NR2F2: variants seen among roughly 807,000 people sequenced by gnomAD.
NR2F2 encodes the protein nuclear receptor subfamily 2 group F member 2, also known as COUP transcription factor 2.
NR2F2 carries 2 observed loss-of-function variants against 34.8 expected under a neutral mutation model. The ratio of observed to expected loss-of-function variants is 0.06; its 90% CI spans 0.02 to 0.18. The LOEUF is 0.18. Ranked by LOEUF, NR2F2 falls within the 10% of genes least tolerant of loss-of-function variation. The pLI, the probability that NR2F2 is intolerant of heterozygous loss-of-function variation, is 1.00. For synonymous variants in NR2F2, 274 were observed against 251.8 expected (o/e 1.09, Z -0.84); for missense variants, 300 against 580.1 (o/e 0.52, Z 4.96).
chr15:96,331,671 C>A lies in NR2F2; in HGVS notation c.-435C>A. 9.0e-7 allele frequency: 1 copy of A among 1,106,136 alleles called. No individual in the cohort carries two copies. The highest frequency in any genetic ancestry group is 1.1e-6 in the Non-Finnish European group (1 of 877,256). 68.5% of individuals were successfully genotyped at this position (1,106,136 alleles called of 1,614,324 possible). On this transcript the variant is annotated 5_prime_UTR_variant, in exon 1 of 3. Transcript: ENST00000394166. Reference sequence around the variant, plus strand: ...GAGAGAGGGAGGGAGAGAGTGAGAGCGAGCGAGATCTTTGGAGAGATTTTT... The same window carrying A: ...GAGAGAGGGAGGGAGAGAGTGAGAGAGAGCGAGATCTTTGGAGAGATTTTT...
chr15:96,331,538 C>T lies in NR2F2; in HGVS notation c.-568C>T. 1 of 1,230,660 alleles carries T rather than the reference C, an allele frequency of 8.1e-7. No individual in the cohort carries two copies. The allele number at this position is 1,230,660 out of a possible 1,614,324, so 76.2% of individuals were successfully genotyped here. ...CTTGGCCCCCGGACAGTCGCCTCTC[C>T]TCCTCCTCTACCTCCTCCTTCACCA... On this transcript the variant is annotated 5_prime_UTR_variant, in exon 1 of 3. Coordinates refer to ENST00000394166, the MANE Select transcript of NR2F2 (RefSeq NM_021005.4).
chr15:96,328,452 G>T (rs1596419738), upstream of NR2F2, among the ~76,000 whole-genome samples: 1 of 152,286 alleles, frequency 6.6e-6, no homozygotes, highest in East Asian at 1.9e-4. Context: ...ATCCTCTATT[G>T]AGATGGGAAT....
Position 96,334,679 on chromosome 15 carries a change from C to G in NR2F2, c.970+76C>G, listed in dbSNP as rs978632929. 3.4e-6 allele frequency: 5 copies of G among 1,481,432 alleles called. No individual in the cohort carries two copies. In the African/African-American group the frequency reaches 5.7e-5, roughly 17 times the overall value. The allele number at this position is 1,481,432 out of a possible 1,614,324, so 91.8% of individuals were successfully genotyped here. On this transcript the variant is annotated intron_variant, in intron 2 of 2. Transcript: ENST00000394166. ...GGGGCCCAGAGAACTTGGGAGTCCC[C>G]AGGGCAAACCCAGTCTGCTCCTTGA...
Position 96,337,726 on chromosome 15 carries a change from C to A in NR2F2, c.*104C>A. On this transcript the variant is annotated 3_prime_UTR_variant, in exon 3 of 3. Transcript: ENST00000394166. ...TAAGAAAGGATATAAAAGGATGTTA[C>A]AAGTTTGCTAAAAGAAGAGAGGGGA... is the stretch of plus-strand genomic sequence containing the variant. 21 of 920,040 alleles carry A rather than the reference C, an allele frequency of 2.3e-5. No homozygotes were observed. Among genetic ancestry groups the A allele is most frequent in the South Asian group, 5.0e-5 (2 of 40,264 alleles). 57.0% of individuals were successfully genotyped at this position (920,040 alleles called of 1,614,324 possible).
At chr15:96,333,884 G>C (rs1899237619) in intron 1 of NR2F2, 192 bp from the exon 2 acceptor site, 1 of 1,433,958 alleles carries the variant, frequency 7.0e-7, no homozygotes, top group South Asian at 1.5e-5. Context: ...GGCCCTCAGA[G>C]CTCGCCTGGG....
At position 96,337,423 on chromosome 15, in the gene NR2F2, T is replaced by A. The variant is rs572428060; in HGVS notation, c.1046T>A (p.Val349Asp). The A allele has an allele frequency of 6.2e-7, 1 of 1,614,132 alleles. No homozygotes were observed. Among genetic ancestry groups the A allele is most frequent in the South Asian group, 1.1e-5 (1 of 91,082 alleles). Reference protein sequence around the residue: ...EKSQCALEEYVRSQYPNQPTR... With the variant: ...EKSQCALEEYDRSQYPNQPTR... ...TCTCAGTGTGCTTTGGAAGAATACGTTAGGAGCCAGTACCCCAACCAGCCG... is the reference window on the plus strand; with the variant it reads ...TCTCAGTGTGCTTTGGAAGAATACGATAGGAGCCAGTACCCCAACCAGCCG... Residue 349 changes from valine to aspartate, a missense_variant, in exon 3 of 3, where the codon GTT (valine) becomes GAT (aspartate). Val to Asp is a radical substitution (Grantham distance 152). Around this residue, in one of 6 missense-constraint regions of NR2F2, gnomAD observed 164 missense variants for 365.3 expected, o/e 0.45. Coordinates refer to ENST00000394166, the MANE Select transcript of NR2F2 (RefSeq NM_021005.4).
chr15:96,332,941 C>CCCA (rs1899194044), intron 1 of NR2F2, among the ~76,000 whole-genome samples: 2 of 58,034 alleles, frequency 3.4e-5, no homozygotes, highest in African/African-American at 6.3e-5. Flanking sequence ...CCCACCCTCT[C>CCCA]AAAAAAAAAA....
chr15:96,335,504 T>G (rs1899297980), intron 2 of NR2F2, among the ~76,000 whole-genome samples: 1 of 152,140 alleles, frequency 6.6e-6, no homozygotes, highest in Admixed American at 6.6e-5. Flanking sequence ...CCAGGCTGAG[T>G]TCAGCATAGC....
intron 2 of NR2F2, 73 bp from the exon 3 acceptor site, chr15:96,337,275 G>T: frequency 6.6e-7 from 1 of 1,522,484 alleles, no homozygotes; most frequent in South Asian, 1.2e-5. Flanking sequence ...TTAATCTGAT[G>T]ACTGAATTCT....
chr15:96,329,178 G>GT (rs148534909), upstream of NR2F2, among the ~76,000 whole-genome samples: 1,943 of 152,024 alleles, frequency 0.013, 37 homozygotes, highest in African/African-American at 0.044. Context: ...CCGGCATGAG[G>GT]TTTTTTCTTG....
At position 96,337,603 on chromosome 15, in the gene NR2F2, C is replaced by A; in HGVS notation, c.1226C>A (p.Pro409Gln). Reference protein sequence around the residue: ...MLLSGSSFNWPYMAIQ With the variant: ...MLLSGSSFNWQYMAIQ ...CTGTCCGGCAGCAGTTTTAACTGGCCGTATATGGCAATTCAATAAATAAAT... is the reference window on the plus strand; with the variant it reads ...CTGTCCGGCAGCAGTTTTAACTGGCAGTATATGGCAATTCAATAAATAAAT... The change falls in exon 3 of 3, where the codon CCG becomes CAG. Residue 409 changes from proline to glutamine, a missense_variant. Pro to Gln is a moderately conservative substitution (Grantham distance 76). Coordinates refer to ENST00000394166, the MANE Select transcript of NR2F2 (RefSeq NM_021005.4). The A allele has an allele frequency of 6.2e-7, 1 of 1,611,938 alleles. No individual in the cohort carries two copies. The highest frequency in any genetic ancestry group is 8.5e-7 in the Non-Finnish European group (1 of 1,178,682).
upstream of NR2F2, among the ~76,000 whole-genome samples, chr15:96,327,562 T>C (rs890502424): frequency 3.9e-5 from 6 of 152,140 alleles, no homozygotes; most frequent in African/African-American, 9.7e-5. Flanking sequence ...TGGTTAAAAA[T>C]TGCATTGACT....
In NR2F2 at chr15:96,337,699, G is replaced by T; in HGVS notation, c.*77G>T. The T allele has an allele frequency of 7.7e-7, 1 of 1,305,078 alleles. No individual in the cohort carries two copies. Among genetic ancestry groups the T allele is most frequent in the Non-Finnish European group, 1.0e-6 (1 of 971,852 alleles). The allele number at this position is 1,305,078 out of a possible 1,614,324, so 80.8% of individuals were successfully genotyped here. On this transcript the variant is annotated 3_prime_UTR_variant, in exon 3 of 3. Transcript: ENST00000394166. ...TGGTTTGTTTGCTTAATTTCCTTCT[G>T]TTAAGAAAGGATATAAAAGGATGTT...
chr15:96,332,056 C>T lies in NR2F2; in HGVS notation c.-50C>T. On this transcript the variant is annotated 5_prime_UTR_variant, in exon 1 of 3. Transcript: ENST00000394166. The stretch of plus-strand genomic sequence containing the variant: ...ACCCGGGGAGCCGCCGCCGCCCCGC[C>T]GCCGCCCGCAGCCAGGGGAGCAGGA... 2 of 1,261,808 alleles carry T rather than the reference C, an allele frequency of 1.6e-6. No individual in the cohort carries two copies. The highest frequency in any genetic ancestry group is 2.0e-6 in the Non-Finnish European group (2 of 1,002,650). The allele number at this position is 1,261,808 out of a possible 1,614,324, so 78.2% of individuals were successfully genotyped here.
upstream of NR2F2, chr15:96,326,223 T>C: frequency 2.7e-6 from 3 of 1,095,810 alleles, no homozygotes; most frequent in Non-Finnish European, 4.2e-6. The surrounding 1 kb of genome is among the most constrained non-coding windows in gnomAD (Gnocchi z 5.5). Context: ...TCTCTTTAAT[T>C]ATCAAAGACA....
intron 1 of NR2F2, 191 bp downstream of exon 1, chr15:96,332,738 A>G (rs897701225): frequency 3.0e-5 from 38 of 1,273,156 alleles, no homozygotes; most frequent in Non-Finnish European, 3.8e-5. Context: ...TGGCCGACTG[A>G]TTTCCTTCTT....
upstream of NR2F2, chr15:96,326,371 T>C: frequency 6.2e-7 from 1 of 1,606,664 alleles, no homozygotes. This position sits in a 1 kb window ranked among gnomAD's most constrained non-coding sequence, Gnocchi z 5.5. Context: ...ACTTACAGTA[T>C]TTTTTCTCTC....
Position 96,331,221 on chromosome 15 carries a change from C to T in NR2F2, c.-885C>T. Reference sequence around the variant, plus strand: ...CGCAGGGAACGGCGAGCGGCCTCCACCCAGCGACTGCGGGCGGCGGCGGCC... The same window carrying T: ...CGCAGGGAACGGCGAGCGGCCTCCATCCAGCGACTGCGGGCGGCGGCGGCC... On this transcript the variant is annotated 5_prime_UTR_variant, in exon 1 of 3. Coordinates refer to ENST00000394166, the MANE Select transcript of NR2F2 (RefSeq NM_021005.4). The T allele has an allele frequency of 1.0e-6, 1 of 982,652 alleles. No individual in the cohort carries two copies. The highest frequency in any genetic ancestry group is 1.2e-6 in the Non-Finnish European group (1 of 828,824). The allele number at this position is 982,652 out of a possible 1,614,324, so 60.9% of individuals were successfully genotyped here. A position where few individuals can be genotyped will look rare whatever the true frequency, so the allele number is the denominator to read the frequency against.
intron 1 of NR2F2, chr15:96,332,749 T>C: frequency 8.4e-7 from 1 of 1,197,258 alleles, no homozygotes; most frequent in South Asian, 1.7e-5. Flanking sequence ...TTTCCTTCTT[T>C]ACTCTCTCTT....
Sources: gnomAD v4.1 joint callset for allele counts (sites outside exome capture counted in the v4.1 genomes callset) on GRCh38, gnomAD v4.1.1 for gene constraint, gnomAD v4.1.1 regional missense constraint, Gnocchi (gnomAD v3.1) non-coding constraint, MANE v1.5 for transcripts, NCBI Gene and HGNC (gene_info 2026-07-23, HGNC 2026-07-21) for gene names.